VPS13B: variants seen among roughly 807,000 people sequenced by gnomAD.
VPS13B encodes intermembrane lipid transfer protein VPS13B.
VPS13B carries 285 observed loss-of-function variants against 426.4 expected under a neutral mutation model. The ratio of observed to expected loss-of-function variants is 0.67; its 90% confidence interval spans 0.61 to 0.74. The LOEUF is 0.74. Among genes scored for constraint, VPS13B ranks in the 30% least tolerant of loss-of-function variants. The pLI, the probability that VPS13B is intolerant of heterozygous loss-of-function variation, is 0.00. For synonymous variants in VPS13B, 1,676 were observed against 1,676.4 expected (o/e 1.00, Z 0.01); for missense variants, 4,537 against 4,782.6 (o/e 0.95, Z 1.51).
intron 17 of VPS13B, among the ~76,000 whole-genome samples, chr8:99,231,758 G>T (rs1816333280): frequency 6.6e-6 from 1 of 152,108 alleles, no homozygotes; most frequent in African/African-American, 2.4e-5. Context: ...TTTTCTGTGT[G>T]TTTTTCTCAT....
At chr8:99,180,796 A>G (rs1451793113) in intron 16 of VPS13B, among the ~76,000 whole-genome samples, 1 of 152,200 alleles carries the variant, frequency 6.6e-6, no homozygotes, top group Non-Finnish European at 1.5e-5. Flanking sequence ...GAGGTGGTCT[A>G]TTCACAAATA....
chr8:99,697,638 A>G, intron 35 of VPS13B: 1 of 648,046 alleles, frequency 1.5e-6, no homozygotes, highest in Non-Finnish European at 2.9e-6. Context: ...TAAAGCCACC[A>G]AGAGACTGAC....
intron 17 of VPS13B, among the ~76,000 whole-genome samples, chr8:99,200,417 T>A (rs1303595278): frequency 6.6e-6 from 1 of 152,200 alleles, no homozygotes; most frequent in Admixed American, 6.5e-5. Flanking sequence ...TGTGTATATA[T>A]ACCTATAAAT....
At chr8:99,102,456 G>A (rs1294513874) in intron 4 of VPS13B, among the ~76,000 whole-genome samples, 2 of 151,932 alleles carry the variant, frequency 1.3e-5, no homozygotes, top group African/African-American at 4.8e-5. Flanking sequence ...TCTTCTATCC[G>A]AGGCATAACT....
At chr8:99,142,777 T>G (rs1401616719) in intron 12 of VPS13B, among the ~76,000 whole-genome samples, 197 bp from the exon 13 acceptor site, 1 of 152,250 alleles carries the variant, frequency 6.6e-6, no homozygotes, top group African/African-American at 2.4e-5. Context: ...GAATAAATTT[T>G]AATGAATTGC....
chr8:99,132,408 C>A (rs1045280603), intron 8 of VPS13B, among the ~76,000 whole-genome samples: 45 of 152,156 alleles, frequency 3.0e-4, no homozygotes, highest in Non-Finnish European at 1.2e-4. Flanking sequence ...AAATCTAATT[C>A]TTTAGTAGTT....
chr8:99,295,831 A>G (rs1198719790), intron 19 of VPS13B, among the ~76,000 whole-genome samples: 2 of 152,172 alleles, frequency 1.3e-5, no homozygotes, highest in African/African-American at 2.4e-5. Flanking sequence ...ATTTGAGGCC[A>G]ACCTAAACAA....
At chr8:99,788,629 T>C (rs984029521) in intron 43 of VPS13B, among the ~76,000 whole-genome samples, 11 of 152,198 alleles carry the variant, frequency 7.2e-5, no homozygotes, top group African/African-American at 2.7e-4. Flanking sequence ...ATAGGTGATA[T>C]GTAAACGAAT....
At chr8:99,242,347 A>G (rs1045334498) in intron 17 of VPS13B, among the ~76,000 whole-genome samples, 1 of 152,226 alleles carries the variant, frequency 6.6e-6, no homozygotes, top group Non-Finnish European at 1.5e-5. Context: ...AAAAATATTG[A>G]CTTTTACTGT....
At chr8:99,754,619 A>AT (rs1296730782) in intron 39 of VPS13B, among the ~76,000 whole-genome samples, 3 of 152,034 alleles carry the variant, frequency 2.0e-5, no homozygotes, top group Non-Finnish European at 2.9e-5. Context: ...CTCACTTTCT[A>AT]TTTTTTAACT....
At chr8:99,864,254 T>A (rs770429864) in intron 58 of VPS13B, among the ~76,000 whole-genome samples, 13 of 152,226 alleles carry the variant, frequency 8.5e-5, no homozygotes, top group Non-Finnish European at 1.9e-4. Context: ...TATCACATAA[T>A]AATTTGAAAT....
intron 36 of VPS13B, among the ~76,000 whole-genome samples, chr8:99,712,497 C>T (rs562322867): frequency 1.3e-5 from 2 of 152,284 alleles, no homozygotes; most frequent in South Asian, 4.1e-4. Context: ...CATTGGATTC[C>T]GTTGTCACCA....
chr8:99,181,350 A>G (rs1448585743), intron 16 of VPS13B, among the ~76,000 whole-genome samples: 1 of 152,168 alleles, frequency 6.6e-6, no homozygotes, highest in African/African-American at 2.4e-5. Context: ...AGGCTGGGCT[A>G]TTGCTAAACT....
chr8:99,209,394 C>A (rs1174959777), intron 17 of VPS13B, among the ~76,000 whole-genome samples: 1 of 151,720 alleles, frequency 6.6e-6, no homozygotes, highest in Non-Finnish European at 1.5e-5. Flanking sequence ...TTATATTGGA[C>A]TTTGTTGGAT....
intron 21 of VPS13B, among the ~76,000 whole-genome samples, chr8:99,408,500 A>G (rs1202069777): frequency 2.6e-5 from 4 of 152,164 alleles, no homozygotes; most frequent in African/African-American, 9.7e-5. Flanking sequence ...TGGATTAGGT[A>G]TTTATTGAAA....
intron 19 of VPS13B, among the ~76,000 whole-genome samples, chr8:99,333,021 C>A (rs1810627137): frequency 4.6e-5 from 7 of 151,688 alleles, no homozygotes; most frequent in Admixed American, 2.6e-4. Context: ...AATCATAATT[C>A]TTCAGACATG....
At chr8:99,798,445 T>G (rs757956169) in intron 43 of VPS13B, among the ~76,000 whole-genome samples, 6 of 152,194 alleles carry the variant, frequency 3.9e-5, no homozygotes, top group Non-Finnish European at 8.8e-5. Context: ...GGTTGAGTTT[T>G]CCTTTTCCTT....
At chr8:99,338,634 G>A (rs1019062482) in intron 19 of VPS13B, among the ~76,000 whole-genome samples, 2 of 152,052 alleles carry the variant, frequency 1.3e-5, no homozygotes, top group African/African-American at 4.8e-5. Context: ...CAATGTTATA[G>A]TTAATGAAAA....
At chr8:99,151,188 A>G (rs1489882812) in intron 14 of VPS13B, among the ~76,000 whole-genome samples, 3 of 152,174 alleles carry the variant, frequency 2.0e-5, no homozygotes, top group African/African-American at 4.8e-5. Flanking sequence ...TTGGTGAGGT[A>G]TCTCTTCAGA....
Sources: gnomAD v4.1 joint callset for allele counts (sites outside exome capture counted in the v4.1 genomes callset) on GRCh38, gnomAD v4.1.1 for gene constraint, MANE v1.5 for transcripts, NCBI Gene and HGNC (gene_info 2026-07-23, HGNC 2026-07-21) for gene names.